LAP3: variants seen among roughly 807,000 people sequenced by gnomAD.
The protein encoded by LAP3 is cytosol aminopeptidase.
In LAP3, 46 loss-of-function variants were observed where a neutral mutation model predicts 58.8. That is an observed-to-expected ratio of 0.78 (90% CI 0.62 to 1.00). The LOEUF (loss-of-function observed/expected upper bound fraction) is 1.00, where lower values mean the gene tolerates loss of function less well. Ranked by LOEUF, LAP3 falls within the 50% of genes least tolerant of loss-of-function variation. The pLI, the probability that LAP3 is intolerant of heterozygous loss-of-function variation, is 0.00. For missense variants in LAP3, 615 were observed against 659.1 expected (o/e 0.93, Z 0.73); for synonymous variants, 257 against 237.7 (o/e 1.08, Z -0.75).
At chr4:17,593,698 ACC>A in intron 7 of LAP3, among the ~76,000 whole-genome samples, 1 of 140,348 alleles carries the variant, frequency 7.1e-6, no homozygotes, top group East Asian at 2.1e-4. Context: ...TGCAGCCTCG[ACC>A]TCCCTGGGCT....
intron 6 of LAP3, among the ~76,000 whole-genome samples, chr4:17,588,346 T>C (rs1713585437): frequency 6.6e-6 from 1 of 152,198 alleles, no homozygotes; most frequent in African/African-American, 2.4e-5. Context: ...AGTTTCACTT[T>C]TTTGCCCAGG....
intron 7 of LAP3, among the ~76,000 whole-genome samples, chr4:17,593,722 C>G (rs1228256768): frequency 1.4e-5 from 2 of 145,854 alleles, no homozygotes; most frequent in African/African-American, 2.5e-5. Flanking sequence ...AGGTGATCCT[C>G]TCACCTCAAC....
In LAP3 at chr4:17,588,812, C is replaced by G; in HGVS notation, c.705-7C>G. ...ATATTTACTTTTTCCCTCTTTCTAC[C>G]CTATAGACCCAAGTCTTGGATTGAG... On this transcript the variant is annotated splice_polypyrimidine_tract_variant and splice_region_variant and intron_variant, in intron 6 of 12. Transcript: ENST00000226299. 1 of 1,606,740 alleles carries G rather than the reference C, an allele frequency of 6.2e-7. No individual in the cohort carries two copies. Among genetic ancestry groups the G allele is most frequent in the East Asian group, 2.2e-5 (1 of 44,762 alleles).
intron 11 of LAP3, among the ~76,000 whole-genome samples, chr4:17,605,137 CA>C (rs1714089134): frequency 6.6e-6 from 1 of 151,974 alleles, no homozygotes; most frequent in African/African-American, 2.4e-5. Flanking sequence ...CACACACACA[CA>C]CACACACACA....
At chr4:17,581,649 CCATG>C in intron 2 of LAP3, 107 bp from the exon 3 acceptor site, 1 of 719,706 alleles carries the variant, frequency 1.4e-6, no homozygotes. Flanking sequence ...GTGAAAAAGA[CCATG>C]GAAGCAGTTA....
At chr4:17,582,434 C>A in intron 4 of LAP3, 41 bp downstream of exon 4, 2 of 1,482,458 alleles carry the variant, frequency 1.3e-6, no homozygotes, top group East Asian at 2.4e-5. Flanking sequence ...TGAGGATCCA[C>A]TCTTTTTGAT....
At chr4:17,606,688 A>G in intron 11 of LAP3, 141 bp from the exon 12 acceptor site, 1 of 554,740 alleles carries the variant, frequency 1.8e-6, no homozygotes, top group East Asian at 3.0e-5. Context: ...AGTGGACACA[A>G]TTCTGAAACC....
intron 1 of LAP3, 28 bp downstream of exon 1, chr4:17,577,595 C>T: frequency 6.6e-7 from 1 of 1,505,026 alleles, no homozygotes; most frequent in South Asian, 1.2e-5. Context: ...GCTCATGGTC[C>T]GCCGCTGGGG....
intron 7 of LAP3, among the ~76,000 whole-genome samples, chr4:17,591,739 G>T (rs6843095): frequency 0.02 from 3,050 of 152,244 alleles, 109 homozygotes; most frequent in African/African-American, 0.07. Context: ...TATGGCAAGA[G>T]TACCAGTGTG....
chr4:17,598,380 C>T, intron 9 of LAP3, 76 bp from the exon 10 acceptor site: 4 of 1,071,394 alleles, frequency 3.7e-6, no homozygotes, highest in East Asian at 4.7e-5. Flanking sequence ...ACTTTTCCGT[C>T]GAACACTGTT....
rs10939735 is a variant in LAP3, at chr4:17,577,268, A to G, written c.-198A>G. On this transcript the variant is annotated 5_prime_UTR_variant, in exon 1 of 13. Transcript: ENST00000226299. Reference sequence around the variant, plus strand: ...GGCGCACCCTTGAGTCCCCTCCACAACCGCGGTTTGATCCCAGCGGTCCAG... The same window carrying G: ...GGCGCACCCTTGAGTCCCCTCCACAGCCGCGGTTTGATCCCAGCGGTCCAG... The G allele has an allele frequency of 0.75, 297,989 of 398,962 alleles. 105,821 individuals carry two copies. The highest frequency in any genetic ancestry group is 0.97 in the East Asian group (24,286 of 25,046). 24.7% of individuals were successfully genotyped at this position (398,962 alleles called of 1,614,324 possible).
At chr4:17,586,271 C>T (rs1228654335) in intron 6 of LAP3, 1 of 152,148 alleles carries the variant, frequency 6.6e-6, no homozygotes, top group Non-Finnish European at 1.5e-5. Flanking sequence ...TCTTTATTGT[C>T]AAAGTTGTTT....
intron 10 of LAP3, among the ~76,000 whole-genome samples, chr4:17,600,893 C>T (rs1391436479): frequency 6.6e-6 from 1 of 152,136 alleles, no homozygotes; most frequent in Non-Finnish European, 1.5e-5. Context: ...GGTATAATAG[C>T]ACCTCGTTCA....
In LAP3 at chr4:17,604,632, A is replaced by T; in HGVS notation, c.1225A>T (p.Thr409Ser). 6.2e-7 allele frequency: 1 copy of T among 1,613,982 alleles called. No homozygotes were observed. Among genetic ancestry groups the T allele is most frequent in the Non-Finnish European group, 8.5e-7 (1 of 1,179,870 alleles). Residue 409 changes from threonine to serine, a missense_variant, in exon 11 of 13, where the codon ACC becomes TCC. Coordinates refer to ENST00000226299, the MANE Select transcript of LAP3 (RefSeq NM_015907.3). Reference sequence around the variant, plus strand: ...GGGATCAGGTGCCACTGGGGTCTTTACCAATTCATCCTGGCTCTGGAACAA... The same window carrying T: ...GGGATCAGGTGCCACTGGGGTCTTTTCCAATTCATCCTGGCTCTGGAACAA... The part of the protein sequence containing the change: ...ALGSGATGVF[T>S]NSSWLWNKLF...
rs199720000 is a variant in LAP3, at chr4:17,603,766, A to T, written c.1181-822A>T. On this transcript the variant is annotated intron_variant, in intron 10 of 12. Transcript: ENST00000226299. ...CAACCTCAGGTGATCCACCCGCCTC[A>T]GCCTCCCAAAGTGCTGGGATTACAG... Among the ~76,000 whole-genome samples the T allele has an allele frequency of 5.4e-4, 81 of 151,214 alleles. No homozygotes were observed. In the East Asian group the frequency reaches 0.015, roughly 28 times the overall value.
chr4:17,605,174 G>A (rs984210638), intron 11 of LAP3, among the ~76,000 whole-genome samples: 8 of 151,444 alleles, frequency 5.3e-5, no homozygotes, highest in African/African-American at 1.7e-4. Context: ...ATTGGTTTTC[G>A]AATGTCCACA....
In LAP3 at chr4:17,582,277, C is replaced by T; in HGVS notation, c.274-11C>T. ...AAATAAAGTGGTTGATTTGGTGTAT[C>T]TGTGGGACAGGACTTCCCCAGCGTG... On this transcript the variant is annotated splice_polypyrimidine_tract_variant and intron_variant, in intron 3 of 12. Coordinates refer to ENST00000226299, the MANE Select transcript of LAP3 (RefSeq NM_015907.3). 1.9e-6 allele frequency: 3 copies of T among 1,607,882 alleles called. No homozygotes were observed. The highest frequency in any genetic ancestry group is 1.7e-4 in the Middle Eastern group (1 of 5,960).
intron 7 of LAP3, among the ~76,000 whole-genome samples, chr4:17,590,217 G>A (rs116277964): frequency 0.015 from 2,354 of 152,306 alleles, 68 homozygotes; most frequent in African/African-American, 0.054. Flanking sequence ...AAGGAACCCT[G>A]ATTCCTGGGA....
Position 17,577,241 on chromosome 4 carries a change from C to CGGGCGCACACGAATGT in LAP3, c.-217_-216insACGAATGTGGGCGCAC. On this transcript the variant is annotated 5_prime_UTR_variant, in exon 1 of 13. In the 5' UTR this introduces an upstream ATG that the reference lacks. Coordinates refer to ENST00000226299, the MANE Select transcript of LAP3 (RefSeq NM_015907.3). ...ACACGAATGCGGGCGCACACGAATGCGGGCGCACCCTTGAGTCCCCTCCAC... is the reference window on the plus strand; with the variant it reads ...ACACGAATGCGGGCGCACACGAATGCGGGCGCACACGAATGTGGGCGCACCCTTGAGTCCCCTCCAC... 2.7e-6 allele frequency: 1 copy of CGGGCGCACACGAATGT among 366,608 alleles called. No individual in the cohort carries two copies. Among genetic ancestry groups the CGGGCGCACACGAATGT allele is most frequent in the Non-Finnish European group, 4.8e-6 (1 of 208,948 alleles). 22.7% of individuals were successfully genotyped at this position (366,608 alleles called of 1,614,324 possible).
Sources: gnomAD v4.1 joint callset for allele counts (sites outside exome capture counted in the v4.1 genomes callset) on GRCh38, gnomAD v4.1.1 for gene constraint, MANE v1.5 for transcripts, NCBI Gene and HGNC (gene_info 2026-07-23, HGNC 2026-07-21) for gene names.